ARHGEF10: variants seen among roughly 807,000 people sequenced by gnomAD.
The protein encoded by ARHGEF10 is Rho guanine nucleotide exchange factor 10.
In ARHGEF10, 140 loss-of-function variants were observed where a neutral mutation model predicts 147.4. That is an observed-to-expected ratio of 0.95 (90% CI 0.83 to 1.09). The LOEUF (loss-of-function observed/expected upper bound fraction) is 1.09. Among genes scored for constraint, ARHGEF10 ranks in the 50% least tolerant of loss-of-function variants. The pLI, the probability that ARHGEF10 is intolerant of heterozygous loss-of-function variation, is 0.00. For synonymous variants in ARHGEF10, 902 were observed against 695.8 expected (o/e 1.30, Z -4.67); for missense variants, 2,222 against 1,752.7 (o/e 1.27, Z -4.78).
At chr8:1,858,558 T>C (rs891760369) in intron 3 of ARHGEF10, among the ~76,000 whole-genome samples, 8 of 152,246 alleles carry the variant, frequency 5.3e-5, no homozygotes. Flanking sequence ...CTCATCATTG[T>C]ATCACTAGAT....
At position 1,848,986 on chromosome 8, in the gene ARHGEF10, C is replaced by T. The variant is rs193160249; in HGVS notation, c.37+5550C>T. On this transcript the variant is annotated intron_variant, in intron 2 of 28. Transcript: ENST00000349830. ...ATAATTCATATCTTAGTACCGTTTACCTATTTAACTTGTAAAGCTCCGTGG... is the reference window on the plus strand; with the variant it reads ...ATAATTCATATCTTAGTACCGTTTATCTATTTAACTTGTAAAGCTCCGTGG... Among the ~76,000 whole-genome samples, 358 of 152,148 alleles carry T rather than the reference C, an allele frequency of 2.4e-3. 2 individuals carry two copies. The highest frequency in any genetic ancestry group is 7.6e-3 in the African/African-American group (316 of 41,500).
chr8:1,831,837 C>G (rs928433379), intron 1 of ARHGEF10, among the ~76,000 whole-genome samples: 1 of 152,228 alleles, frequency 6.6e-6, no homozygotes, highest in Non-Finnish European at 1.5e-5. Context: ...AGCTTTTTCT[C>G]ATTCTCACCA....
chr8:1,914,006 G>C (rs1377359654), intron 18 of ARHGEF10, among the ~76,000 whole-genome samples: 1 of 152,124 alleles, frequency 6.6e-6, no homozygotes, highest in Admixed American at 6.6e-5. Flanking sequence ...CAGAGTTGAG[G>C]GAGCTCCCAG....
chr8:1,918,325 C>G (rs900739531), intron 18 of ARHGEF10, among the ~76,000 whole-genome samples: 2 of 152,150 alleles, frequency 1.3e-5, no homozygotes, highest in East Asian at 3.9e-4. Flanking sequence ...TCTGATGATC[C>G]GGCAGACATA....
intron 6 of ARHGEF10, among the ~76,000 whole-genome samples, chr8:1,868,868 A>G (rs1306570010): frequency 2.0e-5 from 3 of 152,176 alleles, no homozygotes; most frequent in South Asian, 2.1e-4. Context: ...AAATCATAGA[A>G]TAAGTTTGAC....
At chr8:1,949,086 T>A (rs1814821198) in intron 27 of ARHGEF10, among the ~76,000 whole-genome samples, 1 of 152,130 alleles carries the variant, frequency 6.6e-6, no homozygotes, top group Non-Finnish European at 1.5e-5. Context: ...TGCTGGAATA[T>A]AAAAGTCAGG....
At chr8:1,861,032 T>C (rs994444636) in intron 4 of ARHGEF10, among the ~76,000 whole-genome samples, 2 of 152,226 alleles carry the variant, frequency 1.3e-5, no homozygotes, top group Non-Finnish European at 2.9e-5. Flanking sequence ...AGTCGGCCAC[T>C]GAGGACGGTG....
intron 18 of ARHGEF10, among the ~76,000 whole-genome samples, chr8:1,920,134 G>GGGTGATGAGCTGTTC (rs1812164261): frequency 1.7e-4 from 25 of 150,598 alleles, no homozygotes; most frequent in South Asian, 4.2e-4. Context: ...GCTGTTCTGT[G>GGGTGATGAGCTGTTC]TGCCCTGGAG....
chr8:1,888,238 G>C, intron 11 of ARHGEF10, among the ~76,000 whole-genome samples: 1 of 85,608 alleles, frequency 1.2e-5, no homozygotes, highest in Admixed American at 1.1e-4. Context: ...GACAGTGAGT[G>C]TGGTGAGGGT....
chr8:1,848,542 G>C (rs189840207), intron 2 of ARHGEF10, among the ~76,000 whole-genome samples: 223 of 152,320 alleles, frequency 1.5e-3, no homozygotes, highest in African/African-American at 5.2e-3. Context: ...TTCAGTGAAT[G>C]TTGTATTCAC....
At chr8:1,923,649 G>C (rs1812465416) in intron 20 of ARHGEF10, 54 bp downstream of exon 20, 1 of 1,614,016 alleles carries the variant, frequency 6.2e-7, no homozygotes, top group African/African-American at 1.3e-5. Flanking sequence ...GGAGAAAATG[G>C]TTCTTTGTCA....
intron 7 of ARHGEF10, among the ~76,000 whole-genome samples, chr8:1,875,562 T>C (rs1014684790): frequency 1.4e-4 from 22 of 152,232 alleles, no homozygotes; most frequent in African/African-American, 5.3e-4. Context: ...CAGAACACAC[T>C]GCAGCTTCTG....
At chr8:1,894,690 C>T in intron 13 of ARHGEF10, 118 bp downstream of exon 13, 2 of 1,162,380 alleles carry the variant, frequency 1.7e-6, no homozygotes, top group South Asian at 2.6e-5. Context: ...GTGCAGTTCT[C>T]TCTAAAGGCC....
intron 18 of ARHGEF10, among the ~76,000 whole-genome samples, chr8:1,912,248 T>C (rs1811415666): frequency 6.6e-6 from 1 of 151,222 alleles, no homozygotes; most frequent in Non-Finnish European, 1.5e-5. Context: ...CCATGTGGAT[T>C]GTGCGTTTGC....
At chr8:1,909,101 C>G (rs1303737794) in intron 17 of ARHGEF10, among the ~76,000 whole-genome samples, 194 bp from the exon 18 acceptor site, 1 of 152,218 alleles carries the variant, frequency 6.6e-6, no homozygotes, top group East Asian at 1.9e-4. Flanking sequence ...TCTCTCTCAT[C>G]CAGTTCGAGG....
chr8:1,859,029 C>T (rs964050883), intron 3 of ARHGEF10, among the ~76,000 whole-genome samples: 2 of 151,178 alleles, frequency 1.3e-5, no homozygotes, highest in Non-Finnish European at 2.9e-5. Context: ...CGGTTGTTTG[C>T]CCGGTGTTTC....
At chr8:1,857,710 C>T (rs754479640) in intron 2 of ARHGEF10, among the ~76,000 whole-genome samples, 1 of 82,104 alleles carries the variant, frequency 1.2e-5, no homozygotes, top group Non-Finnish European at 2.3e-5. Context: ...GAGCTACCAC[C>T]CCCAGCCTCT....
intron 7 of ARHGEF10, among the ~76,000 whole-genome samples, chr8:1,873,943 C>A (rs898927947): frequency 1.6e-4 from 25 of 152,064 alleles, no homozygotes; most frequent in Non-Finnish European, 3.1e-4. Context: ...GCATTAGGTA[C>A]GCTCACTGTA....
At chr8:1,890,484 G>T (rs1050728026) in intron 11 of ARHGEF10, among the ~76,000 whole-genome samples, 1 of 150,522 alleles carries the variant, frequency 6.6e-6, no homozygotes, top group Admixed American at 6.6e-5. Flanking sequence ...GACACTGAGT[G>T]GGGTGAGGGT....
Sources: gnomAD v4.1 joint callset for allele counts (sites outside exome capture counted in the v4.1 genomes callset) on GRCh38, gnomAD v4.1.1 for gene constraint, MANE v1.5 for transcripts, NCBI Gene and HGNC (gene_info 2026-07-23, HGNC 2026-07-21) for gene names.